RNF112: variants seen among roughly 807,000 people sequenced by gnomAD.
The protein encoded by RNF112 is brain finger protein.
Under a neutral mutation model 64.7 loss-of-function variants are expected in RNF112, and 34 were observed. The ratio of observed to expected loss-of-function variants is 0.53; its 90% CI spans 0.40 to 0.70. The LOEUF (loss-of-function observed/expected upper bound fraction) is 0.70. Ranked by LOEUF, RNF112 falls within the 30% of genes least tolerant of loss-of-function variation. The pLI, the probability that RNF112 is intolerant of heterozygous loss-of-function variation, is 0.00. For missense variants in RNF112, 734 were observed against 850.0 expected, an observed-to-expected ratio of 0.86 and a Z score of 1.70; for synonymous variants, 345 against 344.5, an observed-to-expected ratio of 1.00 and a Z score of -0.02.
chr17:19,416,350 A>G lies in RNF112; in HGVS notation c.*175A>G. 1 of 598,606 alleles carries G rather than the reference A, an allele frequency of 1.7e-6. No individual in the cohort carries two copies. Among genetic ancestry groups the G allele is most frequent in the Non-Finnish European group, 2.8e-6 (1 of 356,930 alleles). 37.1% of individuals were successfully genotyped at this position (598,606 alleles called of 1,614,324 possible). On this transcript the variant is annotated 3_prime_UTR_variant, in exon 14 of 14. Transcript: ENST00000461366. ...GCTGGGACTCAAGGTGGCTCTTGGA[A>G]CCTGGGAGGCAGCATCTGGGGGCAG...
At position 19,415,843 on chromosome 17, in the gene RNF112, G is replaced by A; in HGVS notation, c.1564G>A (p.Glu522Lys). The change falls in exon 14 of 14, where the codon GAG (glutamate) becomes AAG (lysine). Residue 522 changes from glutamate (E) to lysine (K), a missense_variant. Transcript: ENST00000461366. The surrounding 1 kb of genome is among the most constrained non-coding windows in gnomAD (Gnocchi z 7.8). ...CTGCAAGGGGAGAGATCAGACCTTG[G>A]AGGCACTGGAAGCTGAGCTGCAGGC... ...LLCKGRDQTL[E>K]ALEAELQATA... 6.2e-7 allele frequency: 1 copy of A among 1,613,838 alleles called. No individual in the cohort carries two copies. Among genetic ancestry groups the A allele is most frequent in the Non-Finnish European group, 8.5e-7 (1 of 1,179,874 alleles).
rs1464011929 is a variant in RNF112 at position 19,414,171 on chromosome 17, A to G, written c.876+26A>G. 5 of 1,592,280 alleles carry G rather than the reference A, an allele frequency of 3.1e-6. No individual in the cohort carries two copies. In the Admixed American group the frequency reaches 8.4e-5, roughly 27 times the overall value. ...GTAAAGAGACCTCTGATGTTGGGGC[A>G]TCCCCCACCCCCACCCTCCCCACTA... On this transcript the variant is annotated intron_variant, in intron 7 of 13. Transcript: ENST00000461366.
intron 7 of RNF112, 22 bp from the exon 8 acceptor site, chr17:19,414,427 G>T (rs755156125): frequency 1.2e-6 from 2 of 1,613,816 alleles, no homozygotes. Flanking sequence ...CAGCCCTGAC[G>T]CTTTCTGTGT....
rs779851947 is a variant in RNF112, at chr17:19,413,267, C to T, written c.589-13C>T. The T allele has an allele frequency of 7.5e-6, 12 of 1,602,600 alleles. No homozygotes were observed. Among genetic ancestry groups the T allele is most frequent in the Non-Finnish European group, 6.0e-6 (7 of 1,172,268 alleles). On this transcript the variant is annotated splice_polypyrimidine_tract_variant and intron_variant, in intron 4 of 13. Coordinates refer to ENST00000461366, the MANE Select transcript of RNF112 (RefSeq NM_007148.5). This position sits in a 1 kb window ranked among gnomAD's most constrained non-coding sequence, Gnocchi z 5.9. ...AACCGACCAACTGATGCTCTCCCTT[C>T]TCTCCCCTGCAGGAGTCTGGTGAGG...
chr17:19,414,517 A>C lies in RNF112; in HGVS notation c.933+12A>C, dbSNP rs772899877. Reference sequence around the variant, plus strand: ...TGGTGCCAATCCAGGTGAGACACCTATCTCTGGATTCATTGGCCCCAGGCC... The same window carrying C: ...TGGTGCCAATCCAGGTGAGACACCTCTCTCTGGATTCATTGGCCCCAGGCC... On this transcript the variant is annotated intron_variant, in intron 8 of 13. Coordinates refer to ENST00000461366, the MANE Select transcript of RNF112 (RefSeq NM_007148.5). 20 of 1,613,926 alleles carry C rather than the reference A, an allele frequency of 1.2e-5. No homozygotes were observed. The highest frequency in any genetic ancestry group is 1.4e-5 in the Non-Finnish European group (17 of 1,179,828).
intron 2 of RNF112, 35 bp downstream of exon 2, chr17:19,411,705 C>T: frequency 6.4e-7 from 1 of 1,561,456 alleles, no homozygotes. Flanking sequence ...GGGATGGGTG[C>T]AGTGAGGCCA....
Position 19,415,183 on chromosome 17 carries a change from G to A in RNF112, c.1272G>A (p.Gly424=), listed in dbSNP as rs778922183. 1 of 1,606,432 alleles carries A rather than the reference G, an allele frequency of 6.2e-7. No homozygotes were observed. The highest frequency in any genetic ancestry group is 1.3e-5 in the African/African-American group (1 of 74,312). The change falls in exon 11 of 14, where the codon GGG becomes GGA. Residue 424 remains glycine, a synonymous_variant. Transcript: ENST00000461366. This position sits in a 1 kb window ranked among gnomAD's most constrained non-coding sequence, Gnocchi z 7.8. ...GGGGGGACAGACGCCTACTCACGGG[G>A]CAGCAGCTAGCTCAGGAAATCAAGG... ...VARGDRRLLT[G]QQLAQEIKNL... is the part of the protein sequence containing the mutation.
chr17:19,412,575 C>G lies in RNF112; in HGVS notation c.173C>G (p.Ser58Cys). ...GCGCCCCGGGAGCTCCCTACCTGCT[C>G]CATCTGCCTGGAGAGGTTGCGCGAC... ...PMAPRELPTCSICLERLRDPI... is the reference protein window; with the variant it reads ...PMAPRELPTCCICLERLRDPI... Residue 58 changes from serine (S) to cysteine (C), a missense_variant, in exon 3 of 14, where the codon TCC becomes TGC. By Grantham distance (112) the Ser-to-Cys change is moderately radical. Coordinates refer to ENST00000461366, the MANE Select transcript of RNF112 (RefSeq NM_007148.5). The surrounding 1 kb of genome is among the most constrained non-coding windows in gnomAD (Gnocchi z 5.1). 3 of 1,613,588 alleles carry G rather than the reference C, an allele frequency of 1.9e-6. No individual in the cohort carries two copies. The highest frequency in any genetic ancestry group is 2.5e-6 in the Non-Finnish European group (3 of 1,179,812).
chr17:19,412,367 G>A lies in RNF112; in HGVS notation c.96-131G>A. 8 of 945,778 alleles carry A rather than the reference G, an allele frequency of 8.5e-6. No homozygotes were observed. The highest frequency in any genetic ancestry group is 1.8e-5 in the South Asian group (1 of 56,326). 58.6% of individuals were successfully genotyped at this position (945,778 alleles called of 1,614,324 possible). On this transcript the variant is annotated intron_variant, in intron 2 of 13. Transcript: ENST00000461366. This position sits in a 1 kb window ranked among gnomAD's most constrained non-coding sequence, Gnocchi z 5.1. The stretch of plus-strand genomic sequence containing the variant: ...GGAGCAGCTCCGCCTGTCCATGGAG[G>A]CACTGATGGAAATTGGGTTGGCACA...
Position 19,415,151 on chromosome 17 carries a change from G to T in RNF112, c.1240G>T (p.Val414Leu). 2 of 1,609,464 alleles carry T rather than the reference G, an allele frequency of 1.2e-6. No homozygotes were observed. The highest frequency in any genetic ancestry group is 1.7e-6 in the Non-Finnish European group (2 of 1,178,960). The change falls in exon 11 of 14, where the codon GTG (valine) becomes TTG (leucine). Residue 414 changes from valine (V) to leucine (L), a missense_variant. Val to Leu is a conservative substitution (Grantham distance 32). Coordinates refer to ENST00000461366, the MANE Select transcript of RNF112 (RefSeq NM_007148.5). This position sits in a 1 kb window ranked among gnomAD's most constrained non-coding sequence, Gnocchi z 7.8. ...GGGGTACTGGAACGAGGGGCGCGCCGTGGCCAGGGGGGACAGACGCCTACT... is the reference window on the plus strand; with the variant it reads ...GGGGTACTGGAACGAGGGGCGCGCCTTGGCCAGGGGGGACAGACGCCTACT... ...CQGYWNEGRA[V>L]ARGDRRLLTG...
intron 2 of RNF112, 69 bp downstream of exon 2, chr17:19,411,739 T>G (rs1266369435): frequency 1.3e-6 from 2 of 1,488,264 alleles, no homozygotes; most frequent in Non-Finnish European, 9.1e-7. Context: ...AAATGGCCGG[T>G]CCTGGAACAC....
Position 19,413,093 on chromosome 17 carries a change from CTCAGGGAAG to C in RNF112, c.540_548del (p.Gly181_Ser183del), listed in dbSNP as rs761472136. 2 of 1,613,432 alleles carry C rather than the reference CTCAGGGAAG, an allele frequency of 1.2e-6. No homozygotes were observed. Among genetic ancestry groups the C allele is most frequent in the Admixed American group, 3.3e-5 (2 of 60,002 alleles). The stretch of plus-strand genomic sequence containing the variant: ...TCCTCGCTGTCCTGGGGGAGCAGCA[CTCAGGGAAG>C]TCCTTCCTCCTCAACCATTTGCTTC... On this transcript the variant is annotated inframe_deletion, in exon 4 of 14. Coordinates refer to ENST00000461366, the MANE Select transcript of RNF112 (RefSeq NM_007148.5). The surrounding 1 kb of genome is among the most constrained non-coding windows in gnomAD (Gnocchi z 5.9).
At position 19,415,239 on chromosome 17, in the gene RNF112, C is replaced by T. The variant is rs746144944; in HGVS notation, c.1296+32C>T. 9 of 1,597,110 alleles carry T rather than the reference C, an allele frequency of 5.6e-6. No homozygotes were observed. Among genetic ancestry groups the T allele is most frequent in the Non-Finnish European group, 6.0e-6 (7 of 1,175,646 alleles). On this transcript the variant is annotated intron_variant, in intron 11 of 13. Coordinates refer to ENST00000461366, the MANE Select transcript of RNF112 (RefSeq NM_007148.5). The surrounding 1 kb of genome is among the most constrained non-coding windows in gnomAD (Gnocchi z 7.8). Reference sequence around the variant, plus strand: ...AAACTCCCTGGAGACCCAGGCGACTCGGCTGGGCCCCTGCTCTCCCTGACC... The same window carrying T: ...AAACTCCCTGGAGACCCAGGCGACTTGGCTGGGCCCCTGCTCTCCCTGACC...
In RNF112 at chr17:19,415,179, C is replaced by CG; in HGVS notation, c.1272dup (p.Gln425AlafsTer26). On this transcript the variant is annotated frameshift_variant, in exon 11 of 14. Transcript: ENST00000461366. LOFTEE classifies it high-confidence loss of function. The surrounding 1 kb of genome is among the most constrained non-coding windows in gnomAD (Gnocchi z 7.8). ...GCCAGGGGGGACAGACGCCTACTCA[C>CG]GGGGCAGCAGCTAGCTCAGGAAATC... 6.2e-7 allele frequency: 1 copy of CG among 1,607,108 alleles called. No homozygotes were observed. The highest frequency in any genetic ancestry group is 8.5e-7 in the Non-Finnish European group (1 of 1,178,290).
In RNF112 at chr17:19,415,020, T is replaced by G; in HGVS notation, c.1127-18T>G. ...TCCCAAAGCCCGCAGTCTCTCAGCATGCACATCTCTCCCTCAGACACAGAT... is the reference window on the plus strand; with the variant it reads ...TCCCAAAGCCCGCAGTCTCTCAGCAGGCACATCTCTCCCTCAGACACAGAT... On this transcript the variant is annotated intron_variant, in intron 10 of 13. Coordinates refer to ENST00000461366, the MANE Select transcript of RNF112 (RefSeq NM_007148.5). This position sits in a 1 kb window ranked among gnomAD's most constrained non-coding sequence, Gnocchi z 7.8. 2 of 1,583,594 alleles carry G rather than the reference T, an allele frequency of 1.3e-6. No individual in the cohort carries two copies. Among genetic ancestry groups the G allele is most frequent in the Non-Finnish European group, 8.6e-7 (1 of 1,162,042 alleles).
rs1913755814 is a variant in RNF112 at position 19,413,594 on chromosome 17, G to A, written c.738G>A (p.Val246=). The change falls in exon 6 of 14, where the codon GTG becomes GTA. Residue 246 remains valine (V), a synonymous_variant. Coordinates refer to ENST00000461366, the MANE Select transcript of RNF112 (RefSeq NM_007148.5). The surrounding 1 kb of genome is among the most constrained non-coding windows in gnomAD (Gnocchi z 5.9). Reference sequence around the variant, plus strand: ...CTGCATAGGTGGCGGTGTTCCTGGTGGACACAGGGGATGCCATGAGCCCTG... The same window carrying A: ...CTGCATAGGTGGCGGTGTTCCTGGTAGACACAGGGGATGCCATGAGCCCTG... ...KEGKKVAVFL[V]DTGDAMSPEL... is the part of the protein sequence containing the mutation. 6.2e-7 allele frequency: 1 copy of A among 1,613,036 alleles called. No individual in the cohort carries two copies. Among genetic ancestry groups the A allele is most frequent in the African/African-American group, 1.3e-5 (1 of 74,890 alleles).
chr17:19,413,976 C>T lies in RNF112; in HGVS notation c.826-119C>T. The T allele has an allele frequency of 1.2e-6, 1 of 815,776 alleles. No individual in the cohort carries two copies. The highest frequency in any genetic ancestry group is 1.7e-5 in the South Asian group (1 of 57,288). The allele number at this position is 815,776 out of a possible 1,614,324, so 50.5% of individuals were successfully genotyped here. On this transcript the variant is annotated intron_variant, in intron 6 of 13. Coordinates refer to ENST00000461366, the MANE Select transcript of RNF112 (RefSeq NM_007148.5). The surrounding 1 kb of genome is among the most constrained non-coding windows in gnomAD (Gnocchi z 5.9). Reference sequence around the variant, plus strand: ...GCAGCCTTCGAGGCCCCCATACTGGCCTCTCCCATACTCTGAGGCCCACAG... The same window carrying T: ...GCAGCCTTCGAGGCCCCCATACTGGTCTCTCCCATACTCTGAGGCCCACAG...
rs1382504681 is a variant in RNF112 at position 19,415,969 on chromosome 17, G to A, written c.1690G>A (p.Gly564Ser). 6.3e-7 allele frequency: 1 copy of A among 1,581,464 alleles called. No individual in the cohort carries two copies. Among genetic ancestry groups the A allele is most frequent in the Non-Finnish European group, 8.6e-7 (1 of 1,165,146 alleles). ...VGAGLMGLAG[G>S]VVGAGMAAAA... ...GGCCGGGCTCATGGGCCTGGCAGGG[G>A]GCGTGGTGGGTGCTGGCATGGCAGC... Residue 564 changes from glycine to serine, a missense_variant, in exon 14 of 14, where the codon GGC becomes AGC. Coordinates refer to ENST00000461366, the MANE Select transcript of RNF112 (RefSeq NM_007148.5). This position sits in a 1 kb window ranked among gnomAD's most constrained non-coding sequence, Gnocchi z 7.8.
intron 10 of RNF112, 46 bp downstream of exon 10, chr17:19,414,933 C>A (rs1368429574): frequency 6.3e-7 from 1 of 1,597,648 alleles, no homozygotes; most frequent in South Asian, 1.1e-5. Context: ...GCTCCCAGCT[C>A]CCCTCCGGCA....
Sources: gnomAD v4.1 joint callset for allele counts on GRCh38, gnomAD v4.1.1 for gene constraint, Gnocchi (gnomAD v3.1) non-coding constraint, MANE v1.5 for transcripts, NCBI Gene and HGNC (gene_info 2026-07-23, HGNC 2026-07-21) for gene names.